PKD1L1: variants seen among roughly 807,000 people sequenced by gnomAD.
The protein encoded by PKD1L1 is polycystin 1 like 1, transient receptor potential channel interacting.
Under a neutral mutation model 323.4 loss-of-function variants are expected in PKD1L1, and 236 were observed. The observed-to-expected ratio is 0.73, with a 90% CI of 0.66 to 0.81. The LOEUF (loss-of-function observed/expected upper bound fraction) is 0.81. Among genes scored for constraint, PKD1L1 ranks in the 40% least tolerant of loss-of-function variants. The pLI is 0.00. For synonymous variants in PKD1L1, 1,344 were observed against 1,335.0 expected (o/e 1.01, Z -0.15); for missense variants, 3,320 against 3,508.0 (o/e 0.95, Z 1.35).
At chr7:47,871,722 G>A (rs2167876) in intron 24 of PKD1L1, among the ~76,000 whole-genome samples, 49,008 of 151,978 alleles carry the variant, frequency 0.32, 8,439 homozygotes, top group African/African-American at 0.43. Flanking sequence ...AATCCAATAC[G>A]TTTTTATAAT....
intron 23 of PKD1L1, among the ~76,000 whole-genome samples, chr7:47,874,287 A>G (rs1282058574): frequency 2.0e-5 from 3 of 152,172 alleles, no homozygotes; most frequent in Non-Finnish European, 4.4e-5. Flanking sequence ...GACTTTTTAA[A>G]AGACATAAGA....
At chr7:47,874,990 GAAATTTGGTCTGT>G (rs1490483747) in intron 23 of PKD1L1, among the ~76,000 whole-genome samples, 1 of 152,164 alleles carries the variant, frequency 6.6e-6, no homozygotes, top group East Asian at 1.9e-4. Context: ...ACTGTGACCT[GAAATTTGGTCTGT>G]AAATTTATGT....
At chr7:47,914,779 C>G (rs1787394019) in intron 8 of PKD1L1, among the ~76,000 whole-genome samples, 2 of 151,882 alleles carry the variant, frequency 1.3e-5, no homozygotes, top group Admixed American at 1.3e-4. Flanking sequence ...CCCTCATCAG[C>G]CTTTCCCACT....
At chr7:47,960,569 T>C in the PKD1L1 span, among the ~76,000 whole-genome samples, 1 of 151,672 alleles carries the variant, frequency 6.6e-6, no homozygotes, top group South Asian at 2.1e-4. Flanking sequence ...CTGATCAGGT[T>C]TACCTATGGT....
At chr7:47,883,387 T>C (rs1304266355) in intron 19 of PKD1L1, among the ~76,000 whole-genome samples, 1 of 152,172 alleles carries the variant, frequency 6.6e-6, no homozygotes, top group African/African-American at 2.4e-5. Flanking sequence ...AGGCCTAGGA[T>C]CTGCTGAAAT....
chr7:47,892,610 G>C (rs1786845808), intron 15 of PKD1L1, among the ~76,000 whole-genome samples: 1 of 152,190 alleles, frequency 6.6e-6, no homozygotes, highest in African/African-American at 2.4e-5. Context: ...ACAATGTACA[G>C]CATTCAGGGA....
chr7:47,935,928 G>A (rs911087410), intron 4 of PKD1L1, among the ~76,000 whole-genome samples: 8 of 152,226 alleles, frequency 5.3e-5, no homozygotes, highest in African/African-American at 1.9e-4. Flanking sequence ...AGTCGCATCG[G>A]TGAAAACAGT....
At position 47,882,159 on chromosome 7, in the gene PKD1L1, T is replaced by C. The variant is rs1008693163; in HGVS notation, c.3266-74A>G. Reference sequence around the variant, plus strand: ...TGATCTTAAAGCATTAGTGATTCAATGCTGATATTAATAACTATTTGTACT... The same window carrying C: ...TGATCTTAAAGCATTAGTGATTCAACGCTGATATTAATAACTATTTGTACT... On this transcript the variant is annotated intron_variant, in intron 19 of 56. Transcript: ENST00000289672. The C allele has an allele frequency of 3.0e-5, 43 of 1,451,450 alleles. No homozygotes were observed. The Admixed American group carries it at 6.0e-4, about 20-fold the overall frequency. 89.9% of individuals were successfully genotyped at this position (1,451,450 alleles called of 1,614,324 possible).
At chr7:47,803,595 C>G (rs576229940) in intron 52 of PKD1L1, among the ~76,000 whole-genome samples, 6 of 152,222 alleles carry the variant, frequency 3.9e-5, no homozygotes, top group African/African-American at 1.4e-4. Flanking sequence ...CTTTGAACAC[C>G]AGGATGGAGC....
At chr7:47,798,766 A>AAAC (rs57543798) in intron 54 of PKD1L1, among the ~76,000 whole-genome samples, 1 of 147,458 alleles carries the variant, frequency 6.8e-6, no homozygotes, top group Admixed American at 6.7e-5. Context: ...AAAAAAAAAA[A>AAAC]CAAAAAAACC....
intron 31 of PKD1L1, among the ~76,000 whole-genome samples, chr7:47,849,820 C>G (rs1436514241): frequency 6.6e-6 from 1 of 152,112 alleles, no homozygotes; most frequent in Non-Finnish European, 1.5e-5. Context: ...ATGTATGCAC[C>G]ATGGAATACT....
At chr7:47,866,340 C>T in intron 25 of PKD1L1, 79 bp downstream of exon 25, 1 of 1,462,460 alleles carries the variant, frequency 6.8e-7, no homozygotes. Flanking sequence ...TGACCACTTG[C>T]TAGTGAGCCA....
intron 1 of PKD1L1, among the ~76,000 whole-genome samples, chr7:47,947,331 G>A (rs747776368): frequency 6.6e-6 from 1 of 152,218 alleles, no homozygotes; most frequent in Non-Finnish European, 1.5e-5. Flanking sequence ...ACGACCCTCT[G>A]GAGTTTACAG....
At chr7:47,880,284 A>ATATATTTTTTTTTTTTTTTT (rs1225214936) in intron 21 of PKD1L1, among the ~76,000 whole-genome samples, 1 of 56,818 alleles carries the variant, frequency 1.8e-5, no homozygotes, top group African/African-American at 1.1e-4. Context: ...ATATATATAT[A>ATATATTTTTTTTTTTTTTTT]TTTTTTTTTT....
At position 47,904,516 on chromosome 7, in the gene PKD1L1, G is replaced by T. The variant is rs767521719; in HGVS notation, c.1793C>A (p.Ser598Tyr). The change falls in exon 12 of 57, where the codon TCC (serine) becomes TAC (tyrosine). Residue 598 changes from serine to tyrosine, a missense_variant. By Grantham distance (144) the Ser-to-Tyr change is moderately radical. Transcript: ENST00000289672. Reference sequence around the variant, plus strand: ...GGCATTTACCAGAGCTGAGGAGGGGGACGTGAGCCGATTGGCCACAATTTT... The same window carrying T: ...GGCATTTACCAGAGCTGAGGAGGGGTACGTGAGCCGATTGGCCACAATTTT... ...QKKIVANRLT[S>Y]PSSALVNASV... 6 of 1,614,144 alleles carry T rather than the reference G, an allele frequency of 3.7e-6. No individual in the cohort carries two copies. The East Asian group carries it at 1.3e-4, about 36-fold the overall frequency.
chr7:47,894,870 A>AAAT (rs1554408941), intron 14 of PKD1L1, among the ~76,000 whole-genome samples: 8 of 150,718 alleles, frequency 5.3e-5, no homozygotes, highest in African/African-American at 1.7e-4. Flanking sequence ...AAAAAAAAAA[A>AAAT]CTGACGCAAT....
intron 2 of PKD1L1, among the ~76,000 whole-genome samples, chr7:47,940,602 C>A (rs1787966004): frequency 6.6e-6 from 1 of 152,184 alleles, no homozygotes; most frequent in African/African-American, 2.4e-5. Flanking sequence ...CCAGAAACAC[C>A]CAGTGGTCTG....
intron 55 of PKD1L1, chr7:47,795,201 A>G (rs1473162161): frequency 8.7e-6 from 3 of 344,338 alleles, no homozygotes; most frequent in Admixed American, 3.8e-5. Context: ...TCAAATCTCA[A>G]CTAGAATTAT....
intron 2 of PKD1L1, among the ~76,000 whole-genome samples, chr7:47,940,925 C>T (rs150550495): frequency 1.2e-3 from 180 of 152,314 alleles, no homozygotes; most frequent in African/African-American, 4.3e-3. Context: ...ATAGGATCTG[C>T]GCACAGCTGA....
Sources: gnomAD v4.1 joint callset for allele counts (sites outside exome capture counted in the v4.1 genomes callset) on GRCh38, gnomAD v4.1.1 for gene constraint, MANE v1.5 for transcripts, NCBI Gene and HGNC (gene_info 2026-07-23, HGNC 2026-07-21) for gene names.